Variants in ADAMTS17 observed in about 807,000 individuals in gnomAD.
ADAMTS17 encodes the protein ADAM metallopeptidase with thrombospondin type 1 motif 17.
A neutral mutation model predicts 141.5 loss-of-function variants in ADAMTS17; 113 were observed. The ratio of observed to expected loss-of-function variants is 0.80; its 90% CI spans 0.69 to 0.93. ADAMTS17 has a LOEUF of 0.93. Among genes scored for constraint, ADAMTS17 ranks in the 40% least tolerant of loss-of-function variants. The pLI is 0.00. For missense variants in ADAMTS17, 1,659 were observed against 1,517.9 expected (o/e 1.09, Z -1.54); for synonymous variants, 768 against 630.6 (o/e 1.22, Z -3.27).
At chr15:100,064,855 G>C (rs1567113625) in intron 15 of ADAMTS17, among the ~76,000 whole-genome samples, 1 of 152,302 alleles carries the variant, frequency 6.6e-6, no homozygotes, top group East Asian at 1.9e-4. Flanking sequence ...ATTTTGGTTT[G>C]ATTTTTATTT....
At position 100,320,548 on chromosome 15, in the gene ADAMTS17, G is replaced by A. The variant is rs112019212; in HGVS notation, c.616+10341C>T. On this transcript the variant is annotated intron_variant, in intron 3 of 21. Transcript: ENST00000268070. ...ATAAATCGTCACTAAGAATAAGGGC[G>A]GAGGCTGAACACCATGGCCCACACC... is the stretch of plus-strand genomic sequence containing the variant. Among the ~76,000 whole-genome samples the A allele has an allele frequency of 3.4e-3, 512 of 152,290 alleles. 3 individuals carry two copies. Among genetic ancestry groups the A allele is most frequent in the African/African-American group, 0.011 (465 of 41,554 alleles).
At chr15:100,042,507 C>T (rs1170053082) in intron 18 of ADAMTS17, among the ~76,000 whole-genome samples, 1 of 152,120 alleles carries the variant, frequency 6.6e-6, no homozygotes, top group Non-Finnish European at 1.5e-5. Context: ...CCTCAGCATA[C>T]ATTTGTTTTT....
chr15:100,233,104 G>A (rs2042540144), intron 7 of ADAMTS17, among the ~76,000 whole-genome samples: 1 of 152,132 alleles, frequency 6.6e-6, no homozygotes, highest in East Asian at 1.9e-4. Flanking sequence ...TAAGGATGGT[G>A]GATCACCTGA....
chr15:100,119,321 C>T (rs1005844), intron 12 of ADAMTS17, among the ~76,000 whole-genome samples: 49,172 of 151,950 alleles, frequency 0.32, 9,179 homozygotes, highest in East Asian at 0.51. Context: ...ATGCTCCTCG[C>T]GGAACTTACA....
At chr15:100,124,440 T>A (rs1454183310) in intron 12 of ADAMTS17, among the ~76,000 whole-genome samples, 1 of 152,148 alleles carries the variant, frequency 6.6e-6, no homozygotes, top group African/African-American at 2.4e-5. Flanking sequence ...TACACACGCA[T>A]CCGAACGGCC....
chr15:100,220,610 A>G (rs762532250), intron 7 of ADAMTS17, among the ~76,000 whole-genome samples: 3 of 152,324 alleles, frequency 2.0e-5, no homozygotes, highest in Admixed American at 6.5e-5. Flanking sequence ...TCATCATGAC[A>G]TAATTCGAGA....
intron 18 of ADAMTS17, among the ~76,000 whole-genome samples, chr15:100,039,930 T>C (rs557240814): frequency 2.6e-5 from 4 of 152,366 alleles, no homozygotes; most frequent in African/African-American, 9.6e-5. Flanking sequence ...TCCTGATGGA[T>C]TGCCCTTTTA....
chr15:100,274,967 G>A (rs969017603), intron 4 of ADAMTS17, among the ~76,000 whole-genome samples: 1 of 152,108 alleles, frequency 6.6e-6, no homozygotes, highest in African/African-American at 2.4e-5. Context: ...TAACTTCAGT[G>A]GCATTAAAAA....
chr15:100,189,425 TTC>T (rs2040838863), intron 8 of ADAMTS17, among the ~76,000 whole-genome samples: 1 of 152,190 alleles, frequency 6.6e-6, no homozygotes, highest in Non-Finnish European at 1.5e-5. Flanking sequence ...TGGGAGCAGT[TTC>T]TGACATCCCT....
At chr15:100,208,047 C>T (rs1185943968) in intron 7 of ADAMTS17, among the ~76,000 whole-genome samples, 1 of 152,106 alleles carries the variant, frequency 6.6e-6, no homozygotes, top group Admixed American at 6.5e-5. Flanking sequence ...CCAGGGAATC[C>T]CAAAGAACTC....
chr15:100,234,439 A>G (rs1046098343), intron 7 of ADAMTS17, among the ~76,000 whole-genome samples: 1 of 152,250 alleles, frequency 6.6e-6, no homozygotes, highest in Admixed American at 6.5e-5. Flanking sequence ...ACTGGGAAGG[A>G]GCAGAGCCAG....
intron 5 of ADAMTS17, among the ~76,000 whole-genome samples, chr15:100,262,009 A>G (rs544175676): frequency 4.2e-4 from 64 of 152,290 alleles, no homozygotes; most frequent in African/African-American, 1.5e-3. Flanking sequence ...GCTGCCATGA[A>G]CCCAAACTGG....
At chr15:100,062,239 T>C (rs941704926) in intron 15 of ADAMTS17, among the ~76,000 whole-genome samples, 4 of 151,914 alleles carry the variant, frequency 2.6e-5, no homozygotes, top group Admixed American at 6.5e-5. Flanking sequence ...GATGTCAAGG[T>C]CTTACCCTGG....
At chr15:100,005,932 G>A (rs879655436) in intron 18 of ADAMTS17, among the ~76,000 whole-genome samples, 3 of 151,952 alleles carry the variant, frequency 2.0e-5, no homozygotes, top group African/African-American at 4.8e-5. Flanking sequence ...GTGTTCCCTG[G>A]CATGCAGAAG....
chr15:100,277,346 G>A (rs558296972), intron 4 of ADAMTS17, among the ~76,000 whole-genome samples: 1 of 152,056 alleles, frequency 6.6e-6, no homozygotes, highest in Non-Finnish European at 1.5e-5. Context: ...AGGGGTGCAG[G>A]GTGGGAGTGT....
At chr15:100,250,235 C>G (rs1026314621) in intron 7 of ADAMTS17, among the ~76,000 whole-genome samples, 2 of 152,094 alleles carry the variant, frequency 1.3e-5, no homozygotes. Flanking sequence ...CTAATTAAAA[C>G]AACAACAAAA....
intron 18 of ADAMTS17, among the ~76,000 whole-genome samples, chr15:100,035,981 G>T (rs889236546): frequency 3.3e-5 from 5 of 152,202 alleles, no homozygotes; most frequent in African/African-American, 1.2e-4. Context: ...CAAGTGAGAA[G>T]CACAGAGAAC....
intron 3 of ADAMTS17, among the ~76,000 whole-genome samples, chr15:100,328,857 C>T (rs779029195): frequency 1.2e-4 from 19 of 152,118 alleles, no homozygotes; most frequent in Non-Finnish European, 2.1e-4. Context: ...TGAACGGTGG[C>T]GTGAGCAGAG....
chr15:100,056,203 T>C (rs1325083849), intron 15 of ADAMTS17, among the ~76,000 whole-genome samples: 3 of 152,230 alleles, frequency 2.0e-5, no homozygotes, highest in African/African-American at 7.2e-5. Flanking sequence ...TAGGCAAATA[T>C]AGGCAAAGGG....
Sources: allele counts gnomAD v4.1 joint callset (sites outside exome capture counted in the v4.1 genomes callset), GRCh38; gene constraint gnomAD v4.1.1; transcripts MANE v1.5; gene names NCBI Gene and HGNC (gene_info 2026-07-23, HGNC 2026-07-21).